The following NRXN1 variants were observed in gnomAD, a reference collection of about 807,000 sequenced individuals.
The protein encoded by NRXN1 is neurexin-1.
Under a neutral mutation model 150.9 loss-of-function variants are expected in NRXN1, and 39 were observed. The observed-to-expected ratio is 0.26, with a 90% CI of 0.20 to 0.34. NRXN1 has a LOEUF of 0.34. Among genes scored for constraint, NRXN1 ranks in the 10% least tolerant of loss-of-function variants. NRXN1 has a pLI of 1.00. For missense variants in NRXN1, 1,815 were observed against 1,949.9 expected (o/e 0.93, Z 1.30); for synonymous variants, 924 against 757.0 (o/e 1.22, Z -3.62).
At chr2:50,715,582 T>C (rs1368771917) in intron 5 of NRXN1, among the ~76,000 whole-genome samples, 1 of 152,212 alleles carries the variant, frequency 6.6e-6, no homozygotes, top group East Asian at 1.9e-4. Context: ...GTCTCCAACC[T>C]AATTTCCCAG....
intron 19 of NRXN1, among the ~76,000 whole-genome samples, chr2:50,071,646 A>C (rs1466103379): frequency 6.6e-6 from 1 of 152,144 alleles, no homozygotes; most frequent in Non-Finnish European, 1.5e-5. Context: ...TGAGAGAATA[A>C]ATTTCTCTCA....
intron 5 of NRXN1, among the ~76,000 whole-genome samples, chr2:50,841,380 C>T (rs1672850449): frequency 6.6e-6 from 1 of 152,186 alleles, no homozygotes; most frequent in Non-Finnish European, 1.5e-5. Context: ...GTAATTGCCA[C>T]ATTCATTACT....
intron 17 of NRXN1, among the ~76,000 whole-genome samples, chr2:50,276,721 C>T (rs2152927775): frequency 6.6e-6 from 1 of 152,316 alleles, no homozygotes; most frequent in Non-Finnish European, 1.5e-5. Flanking sequence ...CTCTAACAGA[C>T]ATGTTGCAAA....
Position 50,495,988 on chromosome 2 carries a change from T to C in NRXN1, c.2987A>G (p.Asp996Gly). 1 of 1,613,640 alleles carries C rather than the reference T, an allele frequency of 6.2e-7. No homozygotes were observed. Among genetic ancestry groups the C allele is most frequent in the African/African-American group, 1.3e-5 (1 of 75,038 alleles). Reference sequence around the variant, plus strand: ...CTTTACAGTGTGGAGGTTGCTGGTGTCCCTTGATATCATCACGTTGTGCCA... The same window carrying C: ...CTTTACAGTGTGGAGGTTGCTGGTGCCCCTTGATATCATCACGTTGTGCCA... The part of the protein sequence containing the change: ...NQWHNVMISR[D>G]TSNLHTVKID... The change falls in exon 15 of 23, where the codon GAC (aspartate) becomes GGC (glycine). Residue 996 changes from aspartate to glycine, a missense_variant. Transcript: ENST00000401669.
intron 18 of NRXN1, among the ~76,000 whole-genome samples, chr2:50,204,963 A>G (rs1216406691): frequency 2.6e-5 from 4 of 152,046 alleles, no homozygotes; most frequent in Non-Finnish European, 1.5e-5. Context: ...TTAAATTTAT[A>G]AAGTTTAACA....
At chr2:50,091,827 TC>T (rs1319171829) in intron 18 of NRXN1, among the ~76,000 whole-genome samples, 3 of 152,112 alleles carry the variant, frequency 2.0e-5, no homozygotes, top group Admixed American at 2.0e-4. Context: ...TAATCCACTC[TC>T]CCCATTTCAC....
chr2:50,225,312 T>G (rs1013305593), intron 18 of NRXN1, among the ~76,000 whole-genome samples: 1 of 151,974 alleles, frequency 6.6e-6, no homozygotes, highest in African/African-American at 2.4e-5. Context: ...TTCACTCAGG[T>G]ATGCATTGCT....
chr2:50,731,955 G>C (rs2105206907), intron 5 of NRXN1, among the ~76,000 whole-genome samples: 1 of 152,168 alleles, frequency 6.6e-6, no homozygotes, highest in East Asian at 1.9e-4. Context: ...GCAAATTTAA[G>C]TCTTATTTGA....
chr2:50,224,950 C>T (rs2064231966), intron 18 of NRXN1, among the ~76,000 whole-genome samples: 1 of 151,946 alleles, frequency 6.6e-6, no homozygotes, highest in Admixed American at 6.6e-5. Context: ...CATACCTAGA[C>T]TCAGAGAAAT....
At chr2:50,879,713 T>C (rs977658825) in intron 5 of NRXN1, among the ~76,000 whole-genome samples, 2 of 151,886 alleles carry the variant, frequency 1.3e-5, no homozygotes, top group Non-Finnish European at 2.9e-5. Context: ...AATAAATAAT[T>C]AGAATTCTCT....
chr2:50,433,154 T>C (rs2160444), intron 17 of NRXN1, among the ~76,000 whole-genome samples: 1 of 152,042 alleles, frequency 6.6e-6, no homozygotes, highest in Admixed American at 6.6e-5. Context: ...TGGAAAGATG[T>C]AAAGCTCCTT....
chr2:50,838,657 A>C (rs1376479575), intron 5 of NRXN1, among the ~76,000 whole-genome samples: 1 of 152,132 alleles, frequency 6.6e-6, no homozygotes, highest in Non-Finnish European at 1.5e-5. Context: ...GATATTGTGA[A>C]GACACACCGG....
chr2:50,084,031 C>G (rs955497044), intron 19 of NRXN1, among the ~76,000 whole-genome samples: 3 of 152,066 alleles, frequency 2.0e-5, no homozygotes, highest in African/African-American at 4.8e-5. Flanking sequence ...AAGTCCCCAC[C>G]AGATTAGTTA....
chr2:50,885,218 G>C (rs1330742771), intron 5 of NRXN1, among the ~76,000 whole-genome samples: 1 of 150,996 alleles, frequency 6.6e-6, no homozygotes, highest in African/African-American at 2.4e-5. Flanking sequence ...ATCTTTTTTG[G>C]TCTGCTGTGA....
intron 5 of NRXN1, among the ~76,000 whole-genome samples, chr2:50,732,940 A>G (rs1270817265): frequency 3.3e-5 from 5 of 152,152 alleles, no homozygotes. Context: ...TTCACACCCA[A>G]TGATTTGTGT....
chr2:50,539,365 T>A (rs993815132), intron 9 of NRXN1, among the ~76,000 whole-genome samples: 1 of 152,224 alleles, frequency 6.6e-6, no homozygotes, highest in East Asian at 1.9e-4. Context: ...TAGTTATTTA[T>A]TTAAATTAAC....
At position 50,972,090 on chromosome 2, in the gene NRXN1, A is replaced by C. The variant is rs549791282; in HGVS notation, c.773-46135T>G. The stretch of plus-strand genomic sequence containing the variant: ...CTCTGATAATTTATTTTATTCACAA[A>C]AAAAAAAAATTATTTGCTGTGAAAC... On this transcript the variant is annotated intron_variant, in intron 2 of 22. Transcript: ENST00000401669. 4.4e-3 allele frequency among the ~76,000 whole-genome samples: 575 copies of C among 129,294 alleles called. 5 individuals carry two copies. Among genetic ancestry groups the C allele is most frequent in the African/African-American group, 0.014 (533 of 38,376 alleles). The allele number at this position is 129,294 out of a possible 152,430, so 84.8% of individuals were successfully genotyped here. A position where few individuals can be genotyped will look rare whatever the true frequency, so the allele number is the denominator to read the frequency against.
intron 21 of NRXN1, among the ~76,000 whole-genome samples, chr2:50,015,289 C>T (rs1353783504): frequency 6.6e-6 from 1 of 151,724 alleles, no homozygotes; most frequent in Non-Finnish European, 1.5e-5. Flanking sequence ...GTTCCTTTAA[C>T]GATATGTGGA....
chr2:50,438,517 C>T (rs1319303709), intron 17 of NRXN1, among the ~76,000 whole-genome samples: 1 of 152,192 alleles, frequency 6.6e-6, no homozygotes, highest in Admixed American at 6.5e-5. Flanking sequence ...ACAGATGTCA[C>T]TTTATTGTGT....
Sources: allele counts gnomAD v4.1 joint callset (sites outside exome capture counted in the v4.1 genomes callset), GRCh38; gene constraint gnomAD v4.1.1; transcripts MANE v1.5; gene names NCBI Gene and HGNC (gene_info 2026-07-23, HGNC 2026-07-21).